The following LNX2 variants were observed in gnomAD, a reference collection of about 807,000 sequenced individuals.
The protein encoded by LNX2 is ligand of numb-protein X 2.
LNX2 carries 35 observed loss-of-function variants against 66.2 expected under a neutral mutation model. That is an observed-to-expected ratio of 0.53 (90% CI 0.40 to 0.70). LNX2 has a LOEUF of 0.70. LNX2 is among the 30% of genes least tolerant of loss of function. The pLI, the probability that LNX2 is intolerant of heterozygous loss-of-function variation, is 0.00. For missense variants in LNX2, 791 were observed against 850.8 expected, an observed-to-expected ratio of 0.93 and a Z score of 0.87; for synonymous variants, 337 against 315.6, an observed-to-expected ratio of 1.07 and a Z score of -0.72.
At chr13:27,598,452 G>A (rs577613834) in intron 1 of LNX2, among the ~76,000 whole-genome samples, 2 of 152,220 alleles carry the variant, frequency 1.3e-5, no homozygotes, top group South Asian at 4.1e-4. Flanking sequence ...ATTAACCCAT[G>A]GGGTCAATTT....
At chr13:27,601,913 G>C (rs1312344732) in intron 1 of LNX2, among the ~76,000 whole-genome samples, 2 of 151,962 alleles carry the variant, frequency 1.3e-5, no homozygotes, top group African/African-American at 2.4e-5. Context: ...CATTTTCAGG[G>C]TAAACACTTG....
At position 27,559,994 on chromosome 13, in the gene LNX2, A is replaced by C. The variant is rs1955111087; in HGVS notation, c.1225-9T>G. The stretch of plus-strand genomic sequence containing the variant: ...ACTCTCTCTCCACTGGCCTGGAGAA[A>C]ACACAAATACATTACCATAAGTGAC... On this transcript the variant is annotated splice_polypyrimidine_tract_variant and intron_variant, in intron 5 of 9. Coordinates refer to ENST00000316334, the MANE Select transcript of LNX2 (RefSeq NM_153371.4). 6.3e-7 allele frequency: 1 copy of C among 1,590,568 alleles called. No individual in the cohort carries two copies. Among genetic ancestry groups the C allele is most frequent in the Non-Finnish European group, 8.6e-7 (1 of 1,168,076 alleles).
intron 1 of LNX2, among the ~76,000 whole-genome samples, chr13:27,598,468 T>C (rs1955623220): frequency 6.6e-6 from 1 of 152,132 alleles, no homozygotes; most frequent in South Asian, 2.1e-4. Context: ...AATTTTGACA[T>C]GTAAAAGGAA....
At chr13:27,601,134 T>A (rs1371349686) in intron 1 of LNX2, among the ~76,000 whole-genome samples, 1 of 152,202 alleles carries the variant, frequency 6.6e-6, no homozygotes. Flanking sequence ...TTTCATTTAA[T>A]CTTTCCAACA....
At chr13:27,573,788 A>AAAC (rs753678701) in intron 2 of LNX2, among the ~76,000 whole-genome samples, 1 of 152,196 alleles carries the variant, frequency 6.6e-6, no homozygotes, top group East Asian at 1.9e-4. Flanking sequence ...GCAAACAAAC[A>AAAC]AACAACAACA....
chr13:27,565,163 T>C (rs553869920), intron 4 of LNX2, among the ~76,000 whole-genome samples: 4 of 152,330 alleles, frequency 2.6e-5, no homozygotes, highest in East Asian at 1.9e-4. Context: ...TGGTTGATAA[T>C]TTCAGATAAT....
At chr13:27,593,702 G>C (rs956342194) in intron 1 of LNX2, among the ~76,000 whole-genome samples, 3 of 149,944 alleles carry the variant, frequency 2.0e-5, no homozygotes, top group African/African-American at 7.4e-5. Context: ...TGTGTAGCTG[G>C]GATTACAGGC....
intron 1 of LNX2, among the ~76,000 whole-genome samples, chr13:27,614,473 T>C (rs912404319): frequency 2.8e-5 from 4 of 144,740 alleles, no homozygotes; most frequent in African/African-American, 5.2e-5. Flanking sequence ...CAAGCACCCA[T>C]TGCCTAGCCA....
At position 27,567,720 on chromosome 13, in the gene LNX2, T is replaced by C. The variant is rs1955224079; in HGVS notation, c.775A>G (p.Asn259Asp). Residue 259 changes from asparagine to aspartate, a missense_variant, in exon 4 of 10, where the codon AAC (asparagine) becomes GAC (aspartate). Coordinates refer to ENST00000316334, the MANE Select transcript of LNX2 (RefSeq NM_153371.4). ...CGATAGACCTCCTGGATGACAATGTTAATCAAAGGTGTTTCGTTGCCACCC... is the reference window on the plus strand; with the variant it reads ...CGATAGACCTCCTGGATGACAATGTCAATCAAAGGTGTTTCGTTGCCACCC... ...IVGGNETPLI[N>D]IVIQEVYRDG... 2 of 1,613,888 alleles carry C rather than the reference T, an allele frequency of 1.2e-6. No homozygotes were observed. Among genetic ancestry groups the C allele is most frequent in the Non-Finnish European group, 1.7e-6 (2 of 1,179,922 alleles).
intron 1 of LNX2, among the ~76,000 whole-genome samples, chr13:27,587,171 C>T (rs1393336535): frequency 6.6e-6 from 1 of 152,094 alleles, no homozygotes; most frequent in Non-Finnish European, 1.5e-5. Flanking sequence ...ATCTGTGGTT[C>T]CCTTAACTCA....
Position 27,562,587 on chromosome 13 carries a change from C to G in LNX2, c.1050G>C (p.Gln350His). ...VALHKRDSGE[Q>H]LGIKLVRRTD... Reference sequence around the variant, plus strand: ...TCCTTCGCACCAATTTAATGCCAAGCTGTTCACCAGAGTCCCGTTTATGAA... The same window carrying G: ...TCCTTCGCACCAATTTAATGCCAAGGTGTTCACCAGAGTCCCGTTTATGAA... Residue 350 changes from glutamine (Q) to histidine (H), a missense_variant, in exon 5 of 10, where the codon CAG becomes CAC. Gln to His is a conservative substitution (Grantham distance 24). Transcript: ENST00000316334. The G allele has an allele frequency of 6.2e-7, 1 of 1,614,160 alleles. No individual in the cohort carries two copies. The highest frequency in any genetic ancestry group is 1.1e-5 in the South Asian group (1 of 91,078).
upstream of LNX2, chr13:27,620,966 G>GGACA (rs1403914067): frequency 6.5e-6 from 1 of 153,074 alleles, no homozygotes; most frequent in Non-Finnish European, 1.5e-5. Context: ...TAGTTGCGCT[G>GGACA]GACAGCTGGA....
chr13:27,604,181 G>A (rs1955689740), intron 1 of LNX2, among the ~76,000 whole-genome samples: 1 of 152,234 alleles, frequency 6.6e-6, no homozygotes, highest in South Asian at 2.1e-4. Context: ...GGGAGGTGGA[G>A]CTTGCAGTGA....
At chr13:27,612,809 C>CA (rs891774622) in intron 1 of LNX2, among the ~76,000 whole-genome samples, 1 of 152,194 alleles carries the variant, frequency 6.6e-6, no homozygotes, top group Non-Finnish European at 1.5e-5. Flanking sequence ...AGGCTAGGCT[C>CA]AAAATCCTAA....
chr13:27,594,669 G>A (rs1955578237), intron 1 of LNX2, among the ~76,000 whole-genome samples: 1 of 151,922 alleles, frequency 6.6e-6, no homozygotes, highest in Admixed American at 6.6e-5. Flanking sequence ...CAAAAACTAG[G>A]TCTTTATTCC....
At chr13:27,572,615 C>A (rs879144893) in intron 2 of LNX2, among the ~76,000 whole-genome samples, 1 of 152,186 alleles carries the variant, frequency 6.6e-6, no homozygotes, top group Admixed American at 6.5e-5. Context: ...TTCTTCTATT[C>A]CCACTATTCT....
intron 1 of LNX2, among the ~76,000 whole-genome samples, chr13:27,613,170 C>T (rs184138945): frequency 1.3e-5 from 2 of 152,176 alleles, no homozygotes; most frequent in Non-Finnish European, 1.5e-5. Flanking sequence ...AAGACAAGTC[C>T]AAGGGAGGCA....
intron 2 of LNX2, among the ~76,000 whole-genome samples, chr13:27,573,421 G>C (rs1299043287): frequency 6.8e-6 from 1 of 147,158 alleles, no homozygotes; most frequent in Non-Finnish European, 1.5e-5. Context: ...CTTTTCACTG[G>C]GGGCATTTGT....
At chr13:27,583,365 C>G (rs1428721044) in intron 1 of LNX2, among the ~76,000 whole-genome samples, 1 of 152,048 alleles carries the variant, frequency 6.6e-6, no homozygotes, top group Non-Finnish European at 1.5e-5. Context: ...TCAAGCGATT[C>G]TCCTGCCTCA....
Sources: gnomAD v4.1 joint callset for allele counts (sites outside exome capture counted in the v4.1 genomes callset) on GRCh38, gnomAD v4.1.1 for gene constraint, MANE v1.5 for transcripts, NCBI Gene and HGNC (gene_info 2026-07-23, HGNC 2026-07-21) for gene names.